Variants in ENDOV observed in about 807,000 individuals in gnomAD.
ENDOV encodes hEndoV.
In ENDOV, 37 loss-of-function variants were observed where a neutral mutation model predicts 39.4. The observed-to-expected ratio is 0.94, with a 90% confidence interval of 0.72 to 1.23. ENDOV has a LOEUF of 1.23. Among genes scored for constraint, ENDOV ranks in the 50% most tolerant of loss-of-function variants. ENDOV has a pLI of 0.00. For missense variants in ENDOV, 441 were observed against 375.7 expected (o/e 1.17, Z -1.44); for synonymous variants, 186 against 163.4 (o/e 1.14, Z -1.05).
rs1207307763 is a variant in ENDOV at position 80,436,870 on chromosome 17, A to G, written c.*727A>G. ...TTTGGTAGAATTTGCCAGTAAGCCTATCTGGTCTTGGGTCTTTGGGAGGAT... is the reference window on the plus strand; with the variant it reads ...TTTGGTAGAATTTGCCAGTAAGCCTGTCTGGTCTTGGGTCTTTGGGAGGAT... On this transcript the variant is annotated 3_prime_UTR_variant, in exon 10 of 10. Transcript: ENST00000518137. The G allele has an allele frequency of 6.5e-6, 1 of 153,350 alleles. No homozygotes were observed. The highest frequency in any genetic ancestry group is 6.5e-5 in the Admixed American group (1 of 15,360). The allele number at this position is 153,350 out of a possible 1,614,324, so 9.5% of individuals were successfully genotyped here. A position where few individuals can be genotyped will look rare whatever the true frequency, so the allele number is the denominator to read the frequency against.
intron 9 of ENDOV, chr17:80,430,420 G>A: frequency 2.1e-6 from 3 of 1,440,714 alleles, no homozygotes; most frequent in Non-Finnish European, 2.8e-6. Flanking sequence ...TTTACCCTGA[G>A]GTTTACTTGC....
chr17:80,423,354 T>G (rs564890888), intron 4 of ENDOV, among the ~76,000 whole-genome samples, 166 bp from the exon 5 acceptor site: 1 of 152,376 alleles, frequency 6.6e-6, no homozygotes, highest in South Asian at 2.1e-4. Flanking sequence ...CACAGGGGGC[T>G]TTCGCCCAGG....
At position 80,429,760 on chromosome 17, in the gene ENDOV, A is replaced by T. The variant is rs753372969; in HGVS notation, c.780-13A>T. On this transcript the variant is annotated splice_polypyrimidine_tract_variant and intron_variant, in intron 8 of 9. Coordinates refer to ENST00000518137, the MANE Select transcript of ENDOV (RefSeq NM_173627.5). Reference sequence around the variant, plus strand: ...AGCATCTGATGCTGTCCCTTTCTCAATGTCATCACCAGGAGCCCGAAGGCG... The same window carrying T: ...AGCATCTGATGCTGTCCCTTTCTCATTGTCATCACCAGGAGCCCGAAGGCG... 1 of 1,595,104 alleles carries T rather than the reference A, an allele frequency of 6.3e-7. No homozygotes were observed.
Position 80,429,709 on chromosome 17 carries a change from G to T in ENDOV, c.780-64G>T. The T allele has an allele frequency of 4.1e-6, 6 of 1,478,546 alleles. No individual in the cohort carries two copies. In the South Asian group the frequency reaches 7.7e-5, roughly 19 times the overall value. 91.6% of individuals were successfully genotyped at this position (1,478,546 alleles called of 1,614,324 possible). A position where few individuals can be genotyped will look rare whatever the true frequency, so the allele number is the denominator to read the frequency against. ...GCGCAGTTCCCAGACCCCATCTGGGGTGTGAGGGGGTGTCAGGTAGGCGCT... is the reference window on the plus strand; with the variant it reads ...GCGCAGTTCCCAGACCCCATCTGGGTTGTGAGGGGGTGTCAGGTAGGCGCT... On this transcript the variant is annotated intron_variant, in intron 8 of 9. Coordinates refer to ENST00000518137, the MANE Select transcript of ENDOV (RefSeq NM_173627.5).
chr17:80,415,425 G>C, intron 1 of ENDOV, 175 bp downstream of exon 1: 2 of 1,006,256 alleles, frequency 2.0e-6, no homozygotes, highest in South Asian at 3.4e-5. Context: ...TGTAGTCCGC[G>C]GGGTGGGCGC....
At chr17:80,431,516 G>C (rs1247535644) in intron 9 of ENDOV, among the ~76,000 whole-genome samples, 1 of 152,262 alleles carries the variant, frequency 6.6e-6, no homozygotes, top group Non-Finnish European at 1.5e-5. Flanking sequence ...GGGCACAGGA[G>C]AGAGCGGGAA....
intron 9 of ENDOV, among the ~76,000 whole-genome samples, chr17:80,434,048 T>C (rs1352908774): frequency 6.6e-6 from 1 of 152,192 alleles, no homozygotes; most frequent in Non-Finnish European, 1.5e-5. Context: ...CCATATCCAT[T>C]AGTAGTCACT....
intron 4 of ENDOV, among the ~76,000 whole-genome samples, chr17:80,422,912 G>A (rs943267157): frequency 1.3e-5 from 2 of 152,262 alleles, no homozygotes; most frequent in African/African-American, 2.4e-5. Flanking sequence ...TGTTAGCCAG[G>A]ATGGTCTTGA....
chr17:80,420,307 G>A (rs541734592), intron 2 of ENDOV: 3 of 152,420 alleles, frequency 2.0e-5, no homozygotes, highest in African/African-American at 4.8e-5. Context: ...GGGAACTCAG[G>A]CCACACTTGA....
At position 80,438,017 on chromosome 17, in the gene ENDOV, C is replaced by T; in HGVS notation, c.*1874C>T. ...CAAACAGGAGCTCTCTAAGGCTGCT[C>T]CCGGGCTGGGACCTGGGTCTAGGAT... On this transcript the variant is annotated 3_prime_UTR_variant, in exon 10 of 10. Transcript: ENST00000518137. 1 of 152,208 alleles carries T rather than the reference C, an allele frequency of 6.6e-6. No individual in the cohort carries two copies. The highest frequency in any genetic ancestry group is 1.9e-4 in the East Asian group (1 of 5,194). 9.4% of individuals were successfully genotyped at this position (152,208 alleles called of 1,614,324 possible). A position where few individuals can be genotyped will look rare whatever the true frequency, so the allele number is the denominator to read the frequency against.
chr17:80,425,449 G>C (rs372621229), intron 6 of ENDOV, 43 bp from the exon 7 acceptor site: 6 of 1,565,546 alleles, frequency 3.8e-6, no homozygotes, highest in South Asian at 3.5e-5. Context: ...CCCTGGTCCC[G>C]GTGGCCCAGC....
At chr17:80,422,275 G>A (rs987166521) in intron 4 of ENDOV, 30 bp downstream of exon 4, 3 of 1,612,862 alleles carry the variant, frequency 1.9e-6, no homozygotes, top group Admixed American at 3.3e-5. Context: ...TCCAGGGAGG[G>A]CACTGTGGGG....
intron 7 of ENDOV, among the ~76,000 whole-genome samples, chr17:80,426,661 T>A (rs914235171): frequency 2.6e-5 from 4 of 152,016 alleles, no homozygotes; most frequent in African/African-American, 9.7e-5. Flanking sequence ...AAAAAAACTT[T>A]AAAAAACAAA....
Position 80,421,821 on chromosome 17 carries a change from G to A in ENDOV, c.229-7G>A, listed in dbSNP as rs775960980. The stretch of plus-strand genomic sequence containing the variant: ...TGCTTCCCACTGAGCTGCGTGCCTG[G>A]TGTCAGGTGGTGTATGAGGAGAGCC... On this transcript the variant is annotated splice_region_variant and splice_polypyrimidine_tract_variant and intron_variant, in intron 2 of 9. Transcript: ENST00000518137. The A allele has an allele frequency of 1.9e-6, 3 of 1,592,372 alleles. No homozygotes were observed. The highest frequency in any genetic ancestry group is 2.3e-5 in the South Asian group (2 of 87,382).
intron 2 of ENDOV, chr17:80,420,012 A>C (rs2081778135): frequency 3.4e-6 from 1 of 296,288 alleles, no homozygotes. Context: ...CCCAAATTGG[A>C]AAAGGATACG....
At position 80,422,988 on chromosome 17, in the gene ENDOV, C is replaced by T. The variant is rs147893158; in HGVS notation, c.404-532C>T. ...TGCTGGGATTTCAGGCGTGAGCCAC[C>T]GCGCCCGGCCTAGGGAGATGGGCTC... is the stretch of plus-strand genomic sequence containing the variant. On this transcript the variant is annotated intron_variant, in intron 4 of 9. Coordinates refer to ENST00000518137, the MANE Select transcript of ENDOV (RefSeq NM_173627.5). 6.6e-5 allele frequency among the ~76,000 whole-genome samples: 10 copies of T among 151,588 alleles called. No homozygotes were observed. In the East Asian group the frequency reaches 2.0e-3, roughly 30 times the overall value.
intron 5 of ENDOV, 67 bp downstream of exon 5, chr17:80,423,699 TGAG>T: frequency 6.9e-7 from 1 of 1,450,778 alleles, no homozygotes; most frequent in Non-Finnish European, 9.4e-7. Context: ...GCCCTGGGCA[TGAG>T]GACACTTCTG....
chr17:80,424,173 C>G (rs1240680618), intron 5 of ENDOV: 3 of 399,284 alleles, frequency 7.5e-6, no homozygotes, highest in African/African-American at 6.2e-5. Flanking sequence ...GTTGACACCC[C>G]CAGCTGTTTC....
chr17:80,426,491 G>A (rs41300750), intron 7 of ENDOV, among the ~76,000 whole-genome samples: 17 of 152,174 alleles, frequency 1.1e-4, no homozygotes, highest in Admixed American at 8.5e-4. Context: ...CAAAAAAAAC[G>A]TAAAAACAAA....
Sources: allele counts gnomAD v4.1 joint callset (sites outside exome capture counted in the v4.1 genomes callset), GRCh38; gene constraint gnomAD v4.1.1; transcripts MANE v1.5; gene names NCBI Gene and HGNC (gene_info 2026-07-23, HGNC 2026-07-21).